LARGE1: variants seen among roughly 807,000 people sequenced by gnomAD.
LARGE1 encodes the protein LARGE xylosyl- and glucuronyltransferase 1.
LARGE1 carries 43 observed loss-of-function variants against 87.6 expected under a neutral mutation model. The ratio of observed to expected loss-of-function variants is 0.49; its 90% CI spans 0.38 to 0.63. LARGE1 has a LOEUF of 0.63. Ranked by LOEUF, LARGE1 falls within the 30% of genes least tolerant of loss-of-function variation. LARGE1 has a pLI of 0.00. For synonymous variants in LARGE1, 434 were observed against 394.6 expected, an observed-to-expected ratio of 1.10 and a Z score of -1.18; for missense variants, 802 against 1,000.2, an observed-to-expected ratio of 0.80 and a Z score of 2.67.
intron 2 of LARGE1, among the ~76,000 whole-genome samples, chr22:33,730,798 T>C (rs183606349): frequency 1.4e-3 from 209 of 151,990 alleles, no homozygotes; most frequent in Admixed American, 3.4e-3. Context: ...GTTCAAGCGA[T>C]TCTTTTGCCT....
At chr22:33,098,341 C>T in the LARGE1 span, among the ~76,000 whole-genome samples, 1 of 152,046 alleles carries the variant, frequency 6.6e-6, no homozygotes, top group Non-Finnish European at 1.5e-5. Context: ...AAAAATAGGC[C>T]GGGCGCAGTG....
the LARGE1 span, among the ~76,000 whole-genome samples, chr22:33,120,119 A>AT: frequency 6.6e-6 from 1 of 152,078 alleles, no homozygotes; most frequent in African/African-American, 2.4e-5. Context: ...AAAAAAGTAT[A>AT]TTTTTTATAT....
At chr22:33,641,927 G>T (rs141631060) in intron 3 of LARGE1, among the ~76,000 whole-genome samples, 3 of 152,136 alleles carry the variant, frequency 2.0e-5, no homozygotes, top group Admixed American at 2.0e-4. Flanking sequence ...GAAAGTGACC[G>T]AGAGAATGGA....
intron 1 of LARGE1, among the ~76,000 whole-genome samples, chr22:33,894,701 C>A (rs2065087342): frequency 6.6e-6 from 1 of 152,008 alleles, no homozygotes; most frequent in Non-Finnish European, 1.5e-5. Context: ...ATATCTGGTC[C>A]AAGGTCACAC....
intron 2 of LARGE1, among the ~76,000 whole-genome samples, chr22:33,746,098 C>A (rs773300890): frequency 6.6e-6 from 1 of 152,150 alleles, no homozygotes; most frequent in Non-Finnish European, 1.5e-5. Flanking sequence ...GAAAATTAGT[C>A]GGGTATGGTG....
chr22:33,845,586 G>C (rs971003543), intron 1 of LARGE1, among the ~76,000 whole-genome samples: 2 of 152,086 alleles, frequency 1.3e-5, no homozygotes, highest in African/African-American at 4.8e-5. Context: ...GGAATTACAA[G>C]TGTGAGCCAC....
intron 2 of LARGE1, among the ~76,000 whole-genome samples, chr22:33,697,522 G>C: frequency 8.7e-6 from 1 of 114,548 alleles, no homozygotes; most frequent in South Asian, 3.1e-4. Context: ...CTGCACTCCA[G>C]CCTGGCGACA....
At chr22:33,260,673 T>G (rs752008886) in intron 11 of LARGE1, among the ~76,000 whole-genome samples, 3 of 152,246 alleles carry the variant, frequency 2.0e-5, no homozygotes, top group Non-Finnish European at 4.4e-5. Flanking sequence ...CTTTGCTGTC[T>G]GCCTCTGCCT....
chr22:33,234,715 AT>A (rs1249182674), intron 11 of LARGE1, among the ~76,000 whole-genome samples: 1 of 151,792 alleles, frequency 6.6e-6, no homozygotes. Context: ...CTAATTTTGT[AT>A]TTTTAGTAGA....
At chr22:33,883,631 G>A (rs900207033) in intron 1 of LARGE1, among the ~76,000 whole-genome samples, 1 of 152,230 alleles carries the variant, frequency 6.6e-6, no homozygotes, top group African/African-American at 2.4e-5. Context: ...AGGGGCTTGC[G>A]CCCTTCCAGG....
chr22:33,853,333 CT>C (rs1360357452), intron 1 of LARGE1, among the ~76,000 whole-genome samples: 1 of 152,158 alleles, frequency 6.6e-6, no homozygotes, highest in Non-Finnish European at 1.5e-5. Flanking sequence ...ACAGCCGCTG[CT>C]TTTCAAGCAC....
intron 11 of LARGE1, among the ~76,000 whole-genome samples, chr22:33,215,056 A>C (rs1192761533): frequency 6.6e-6 from 1 of 152,200 alleles, no homozygotes; most frequent in Non-Finnish European, 1.5e-5. Context: ...ATATACTTTC[A>C]GGGGCATTCT....
intron 6 of LARGE1, among the ~76,000 whole-genome samples, chr22:33,544,425 G>A (rs2077296132): frequency 6.6e-6 from 1 of 152,164 alleles, no homozygotes; most frequent in Admixed American, 6.5e-5. Flanking sequence ...GGTGGCTCAC[G>A]CCTGTAATCC....
At position 33,243,293 on chromosome 22, in the gene LARGE1, G is replaced by A. The variant is rs189533162; in HGVS notation, c.1730+60936C>T. 6.3e-4 allele frequency among the ~76,000 whole-genome samples: 96 copies of A among 152,230 alleles called. 2 individuals are homozygous for A. The highest frequency in any genetic ancestry group is 3.1e-3 in the South Asian group (15 of 4,818). ...ATATTTTAAGTGTACAGTTTGATGC[G>A]TTTTGACACATGTACACATCTATTT... On this transcript the variant is annotated intron_variant, in intron 11 of 11. Transcript: ENST00000608642.
chr22:33,115,779 T>C, the LARGE1 span, among the ~76,000 whole-genome samples: 2 of 138,116 alleles, frequency 1.4e-5, no homozygotes, highest in African/African-American at 2.8e-5. Context: ...ATTGCACCAC[T>C]GCACTCCAGC....
At chr22:33,823,210 G>T (rs764465603) in intron 1 of LARGE1, among the ~76,000 whole-genome samples, 13 of 152,198 alleles carry the variant, frequency 8.5e-5, no homozygotes, top group African/African-American at 4.8e-5. Context: ...AAATTCATGA[G>T]CTTCAACACA....
intron 2 of LARGE1, among the ~76,000 whole-genome samples, chr22:33,760,777 G>A (rs1053839391): frequency 7.2e-5 from 11 of 152,110 alleles, no homozygotes; most frequent in Non-Finnish European, 1.3e-4. Flanking sequence ...AGAATTAGCT[G>A]AGTGTGGTGG....
At chr22:33,774,926 G>C (rs909606658) in intron 1 of LARGE1, among the ~76,000 whole-genome samples, 18 of 152,194 alleles carry the variant, frequency 1.2e-4, no homozygotes, top group African/African-American at 4.3e-4. Context: ...ACTGAGAATG[G>C]AGTTGAGGCA....
At chr22:33,086,401 G>C in the LARGE1 span, among the ~76,000 whole-genome samples, 1 of 151,868 alleles carries the variant, frequency 6.6e-6, no homozygotes, top group Non-Finnish European at 1.5e-5. Context: ...CCCCAGGTTG[G>C]GTAGTGTCTC....
Sources: gnomAD v4.1 joint callset for allele counts (sites outside exome capture counted in the v4.1 genomes callset) on GRCh38, gnomAD v4.1.1 for gene constraint, MANE v1.5 for transcripts, NCBI Gene and HGNC (gene_info 2026-07-23, HGNC 2026-07-21) for gene names.